MACROD2: variants seen among roughly 807,000 people sequenced by gnomAD.
The protein encoded by MACROD2 is ADP-ribose glycohydrolase MACROD2.
Under a neutral mutation model 70.4 loss-of-function variants are expected in MACROD2, and 36 were observed. That is an observed-to-expected ratio of 0.51 (90% CI 0.39 to 0.68). MACROD2 has a LOEUF of 0.68. Ranked by LOEUF, MACROD2 falls within the 30% of genes least tolerant of loss-of-function variation. The pLI, the probability that MACROD2 is intolerant of heterozygous loss-of-function variation, is 0.00. For missense variants in MACROD2, 496 were observed against 538.4 expected (o/e 0.92, Z 0.78); for synonymous variants, 172 against 178.8 (o/e 0.96, Z 0.30).
At chr20:15,625,603 G>A (rs2049190105) in intron 8 of MACROD2, among the ~76,000 whole-genome samples, 1 of 152,156 alleles carries the variant, frequency 6.6e-6, no homozygotes, top group Non-Finnish European at 1.5e-5. Context: ...GTAAGATAGA[G>A]AGTGGCTTAG....
At chr20:14,456,985 T>C (rs1332178653) in intron 3 of MACROD2, among the ~76,000 whole-genome samples, 7 of 151,852 alleles carry the variant, frequency 4.6e-5, no homozygotes, top group African/African-American at 1.2e-4. Context: ...CTGGTTTCCG[T>C]TGGACTTTAT....
intron 5 of MACROD2, among the ~76,000 whole-genome samples, chr20:14,880,028 C>A (rs1478705480): frequency 6.6e-6 from 1 of 152,098 alleles, no homozygotes; most frequent in African/African-American, 2.4e-5. Flanking sequence ...ATCGTGCTTT[C>A]GTTTTGGATG....
chr20:15,854,680 T>C (rs1318637934), intron 8 of MACROD2, among the ~76,000 whole-genome samples: 1 of 152,184 alleles, frequency 6.6e-6, no homozygotes, highest in Non-Finnish European at 1.5e-5. Flanking sequence ...TTGCTCTCTT[T>C]TGCCTCACTT....
chr20:15,411,149 T>TACACACACACACACACAC lies in MACROD2; in HGVS notation c.541-20242_541-20225dup, dbSNP rs55750139. On this transcript the variant is annotated intron_variant, in intron 6 of 17. Transcript: ENST00000684519. ...ATTAATTGCCACCAGGATATGTATT[T>TACACACACACACACACAC]ACACACACACACACACACACACACA... 1.3e-3 allele frequency among the ~76,000 whole-genome samples: 189 copies of TACACACACACACACACAC among 144,276 alleles called. 2 individuals carry two copies. Among genetic ancestry groups the TACACACACACACACACAC allele is most frequent in the Middle Eastern group, 0.01 (3 of 286 alleles). 94.7% of individuals were successfully genotyped at this position (144,276 alleles called of 152,430 possible). A position where few individuals can be genotyped will look rare whatever the true frequency, so the allele number is the denominator to read the frequency against.
At chr20:14,353,449 C>A (rs2083143286) in intron 3 of MACROD2, among the ~76,000 whole-genome samples, 1 of 151,802 alleles carries the variant, frequency 6.6e-6, no homozygotes, top group African/African-American at 2.4e-5. Context: ...GGTGAATATA[C>A]CTAGAAGTGG....
intron 5 of MACROD2, chr20:14,893,661 G>C (rs772672429): frequency 1.3e-5 from 2 of 151,764 alleles, no homozygotes; most frequent in Non-Finnish European, 2.9e-5. Context: ...TTGGTTACTA[G>C]CCAGTTTATA....
At chr20:14,214,583 G>C (rs886419558) in intron 3 of MACROD2, among the ~76,000 whole-genome samples, 4 of 126,208 alleles carry the variant, frequency 3.2e-5, no homozygotes, top group Non-Finnish European at 5.0e-5. Flanking sequence ...ATCCAGCAAT[G>C]TTCTTTTTTT....
chr20:15,543,854 A>G (rs1197246286), intron 8 of MACROD2, among the ~76,000 whole-genome samples: 1 of 152,182 alleles, frequency 6.6e-6, no homozygotes, highest in Non-Finnish European at 1.5e-5. Context: ...TTTCCCTGGG[A>G]CAAGCCAGCC....
chr20:15,466,250 G>A (rs946817703), intron 7 of MACROD2, among the ~76,000 whole-genome samples: 3 of 152,102 alleles, frequency 2.0e-5, no homozygotes, highest in African/African-American at 7.2e-5. Context: ...AACCATAAAT[G>A]CTTTGATCTA....
At chr20:14,279,594 C>G (rs1213595287) in intron 3 of MACROD2, among the ~76,000 whole-genome samples, 1 of 152,164 alleles carries the variant, frequency 6.6e-6, no homozygotes, top group Non-Finnish European at 1.5e-5. Flanking sequence ...ATTTAAGTCT[C>G]AGAGAGGCTT....
chr20:14,837,598 A>G (rs1410488920), intron 5 of MACROD2, among the ~76,000 whole-genome samples: 2 of 152,062 alleles, frequency 1.3e-5, no homozygotes, highest in African/African-American at 2.4e-5. Flanking sequence ...GGTGTCTGAG[A>G]TGGTACTACA....
chr20:15,611,695 T>C (rs1224363474), intron 8 of MACROD2, among the ~76,000 whole-genome samples: 1 of 151,718 alleles, frequency 6.6e-6, no homozygotes, highest in Non-Finnish European at 1.5e-5. Flanking sequence ...ACTTACATGC[T>C]AAGGTTGTGC....
intron 5 of MACROD2, among the ~76,000 whole-genome samples, chr20:15,015,896 T>C (rs1389695212): frequency 1.3e-5 from 2 of 152,178 alleles, no homozygotes; most frequent in African/African-American, 4.8e-5. Flanking sequence ...CTATGTTGAG[T>C]TGAAGGGAGC....
intron 5 of MACROD2, among the ~76,000 whole-genome samples, chr20:14,924,424 G>A (rs945496603): frequency 4.6e-5 from 7 of 151,280 alleles, no homozygotes; most frequent in Non-Finnish European, 7.4e-5. Context: ...GGGTGACAGA[G>A]CAATACTCTG....
intron 4 of MACROD2, chr20:14,523,331 C>T (rs1404061605): frequency 6.6e-6 from 1 of 152,162 alleles, no homozygotes; most frequent in African/African-American, 2.4e-5. Flanking sequence ...TGAGATTCCT[C>T]TCTGGAATGT....
intron 7 of MACROD2, among the ~76,000 whole-genome samples, chr20:15,435,394 C>A (rs1206569894): frequency 6.6e-6 from 1 of 152,006 alleles, no homozygotes; most frequent in Admixed American, 6.6e-5. Context: ...ATAATTTAAA[C>A]ACACACACAA....
intron 5 of MACROD2, among the ~76,000 whole-genome samples, chr20:15,125,695 T>G (rs1302117549): frequency 6.6e-6 from 1 of 152,132 alleles, no homozygotes; most frequent in Non-Finnish European, 1.5e-5. Flanking sequence ...CTTCTTGAGA[T>G]GTAATTTACA....
chr20:14,042,157 C>A (rs1024846563), intron 2 of MACROD2, among the ~76,000 whole-genome samples: 4 of 152,118 alleles, frequency 2.6e-5, no homozygotes, highest in Non-Finnish European at 5.9e-5. Flanking sequence ...ACAAAAAATT[C>A]TTGACAATTA....
At chr20:15,288,503 T>A (rs564270762) in intron 6 of MACROD2, among the ~76,000 whole-genome samples, 21 of 152,250 alleles carry the variant, frequency 1.4e-4, no homozygotes, top group African/African-American at 4.3e-4. Flanking sequence ...AATCAGTAGA[T>A]TGAGTAAGAA....
Sources: allele counts gnomAD v4.1 joint callset (sites outside exome capture counted in the v4.1 genomes callset), GRCh38; gene constraint gnomAD v4.1.1; transcripts MANE v1.5; gene names NCBI Gene and HGNC (gene_info 2026-07-23, HGNC 2026-07-21).